Variants in SERINC5 observed in about 807,000 individuals in gnomAD.
SERINC5 encodes serine incorporator 5.
SERINC5 carries 41 observed loss-of-function variants against 63.1 expected under a neutral mutation model. That is an observed-to-expected ratio of 0.65 (90% CI 0.51 to 0.84). SERINC5 has a LOEUF of 0.84. Among genes scored for constraint, SERINC5 ranks in the 40% least tolerant of loss-of-function variants. The pLI, the probability that SERINC5 is intolerant of heterozygous loss-of-function variation, is 0.00. For synonymous variants in SERINC5, 222 were observed against 215.2 expected (o/e 1.03, Z -0.28); for missense variants, 523 against 573.0 (o/e 0.91, Z 0.89).
intron 1 of SERINC5, among the ~76,000 whole-genome samples, chr5:80,233,805 CTTTT>C (rs373920343): frequency 2.1e-4 from 15 of 69,932 alleles, no homozygotes; most frequent in African/African-American, 7.0e-4. Context: ...TCAACTTTTA[CTTTT>C]TTTTTTTTTT....
intron 11 of SERINC5, among the ~76,000 whole-genome samples, chr5:80,145,726 C>G (rs1745776424): frequency 6.6e-6 from 1 of 152,138 alleles, no homozygotes; most frequent in Non-Finnish European, 1.5e-5. Context: ...ACATACCCAT[C>G]CACTGTTAAA....
chr5:80,159,003 G>C, intron 7 of SERINC5, 41 bp from the exon 8 acceptor site: 1 of 1,609,810 alleles, frequency 6.2e-7, no homozygotes, highest in Non-Finnish European at 8.5e-7. Flanking sequence ...CAAGTACAAA[G>C]GCCAGTTGTA....
chr5:80,175,666 G>A lies in SERINC5; in HGVS notation c.458-619C>T, dbSNP rs972974943. 6.6e-5 allele frequency among the ~76,000 whole-genome samples: 10 copies of A among 151,462 alleles called. No individual in the cohort carries two copies. The South Asian group carries it at 1.0e-3, about 16-fold the overall frequency. On this transcript the variant is annotated intron_variant, in intron 4 of 11. Coordinates refer to ENST00000507668, the MANE Select transcript of SERINC5 (RefSeq NM_001174072.3). ...GGGGGATCACTTGAGGTCAGGAGTC[G>A]GAAACCAGCCTGGCCTACATGGTGA...
In SERINC5 at chr5:80,169,564, G is replaced by A. The variant is rs1747518726; in HGVS notation, c.552-18C>T. 1.9e-6 allele frequency: 3 copies of A among 1,595,808 alleles called. No individual in the cohort carries two copies. The highest frequency in any genetic ancestry group is 1.7e-5 in the Admixed American group (1 of 57,624). On this transcript the variant is annotated intron_variant, in intron 5 of 11. Coordinates refer to ENST00000507668, the MANE Select transcript of SERINC5 (RefSeq NM_001174072.3). Reference sequence around the variant, plus strand: ...CTGCTGTCCTGTTTCTCCGGGAAGTGGGTAAGAGGGAGAGGAGAGAAGACA... The same window carrying A: ...CTGCTGTCCTGTTTCTCCGGGAAGTAGGTAAGAGGGAGAGGAGAGAAGACA...
At chr5:80,189,129 C>T (rs1009822502) in intron 2 of SERINC5, among the ~76,000 whole-genome samples, 1 of 152,072 alleles carries the variant, frequency 6.6e-6, no homozygotes, top group Admixed American at 6.6e-5. Context: ...AGCTTTATGA[C>T]AGAAGTCATA....
rs1054563765 is a variant in SERINC5, at chr5:80,142,636, C to T, written c.*1027G>A. ...AGCATGAACCTGAACGGTATGGTCA[C>T]GTTACAGATCCAGAACACAAAACGA... On this transcript the variant is annotated 3_prime_UTR_variant, in exon 12 of 12. Coordinates refer to ENST00000507668, the MANE Select transcript of SERINC5 (RefSeq NM_001174072.3). 3 of 985,390 alleles carry T rather than the reference C, an allele frequency of 3.0e-6. No homozygotes were observed. Among genetic ancestry groups the T allele is most frequent in the Non-Finnish European group, 3.6e-6 (3 of 829,936 alleles). The allele number at this position is 985,390 out of a possible 1,614,324, so 61.0% of individuals were successfully genotyped here.
chr5:80,226,884 T>C (rs1751192968), intron 1 of SERINC5, among the ~76,000 whole-genome samples: 1 of 152,192 alleles, frequency 6.6e-6, no homozygotes, highest in Non-Finnish European at 1.5e-5. Flanking sequence ...ATAATTTAAA[T>C]TTTTGGCATA....
chr5:80,235,529 T>C (rs1381238603), intron 1 of SERINC5, among the ~76,000 whole-genome samples: 2 of 152,238 alleles, frequency 1.3e-5, no homozygotes, highest in South Asian at 2.1e-4. Context: ...AGTAGGTTTT[T>C]CTTTCACCTT....
intron 5 of SERINC5, among the ~76,000 whole-genome samples, chr5:80,173,079 C>T (rs1747765716): frequency 6.6e-6 from 1 of 151,752 alleles, no homozygotes; most frequent in Non-Finnish European, 1.5e-5. Context: ...TGCTATTGTG[C>T]AATTATCCCA....
At chr5:80,249,809 T>TA (rs569149139) in intron 1 of SERINC5, among the ~76,000 whole-genome samples, 20 of 150,144 alleles carry the variant, frequency 1.3e-4, no homozygotes, top group Non-Finnish European at 2.5e-4. Flanking sequence ...GTCTCAAAAA[T>TA]AAAAAAAAAT....
At chr5:80,178,551 T>TC (rs1300969161) in intron 2 of SERINC5, among the ~76,000 whole-genome samples, 15 of 141,022 alleles carry the variant, frequency 1.1e-4, no homozygotes, top group Admixed American at 8.6e-4. Flanking sequence ...TTTTTTTTTT[T>TC]TTTTTTTTTG....
At chr5:80,147,408 C>T (rs1745892571) in intron 9 of SERINC5, 124 bp from the exon 10 acceptor site, 2 of 992,184 alleles carry the variant, frequency 2.0e-6, no homozygotes, top group Admixed American at 4.1e-5. Flanking sequence ...CTGTTCTTTC[C>T]CAGGTGTGCT....
Position 80,120,063 on chromosome 5 carries a change from C to T in SERINC5, c.1239-6438G>A, listed in dbSNP as rs536666396. Among the ~76,000 whole-genome samples the T allele has an allele frequency of 1.4e-4, 21 of 152,270 alleles. 1 individual carries two copies. Among genetic ancestry groups the T allele is most frequent in the Non-Finnish European group, 2.8e-4 (19 of 68,006 alleles). On this transcript the variant is annotated intron_variant, in intron 11 of 12. Coordinates refer to the SERINC5 transcript ENST00000509193. Reference sequence around the variant, plus strand: ...TTTTTTTGGATCTCAACTTCCTCTTCTATAAAGGGGGGGCTATACCTGTCA... The same window carrying T: ...TTTTTTTGGATCTCAACTTCCTCTTTTATAAAGGGGGGGCTATACCTGTCA...
rs1023861450 is a variant in SERINC5 at position 80,249,315 on chromosome 5, C to CA, written c.27+6580dup. ...GGGCAACACAGCGAGACTCTGTCTCCAAAAAAAAAAAGAAACCATCAAGTT... is the reference window on the plus strand; with the variant it reads ...GGGCAACACAGCGAGACTCTGTCTCCAAAAAAAAAAAAGAAACCATCAAGTT... On this transcript the variant is annotated intron_variant, in intron 1 of 11. Coordinates refer to ENST00000507668, the MANE Select transcript of SERINC5 (RefSeq NM_001174072.3). Among the ~76,000 whole-genome samples, 143 of 123,446 alleles carry CA rather than the reference C, an allele frequency of 1.2e-3. No homozygotes were observed. In the Middle Eastern group the frequency reaches 0.013, roughly 11 times the overall value. The allele number at this position is 123,446 out of a possible 152,430, so 81.0% of individuals were successfully genotyped here. A position where few individuals can be genotyped will look rare whatever the true frequency, so the allele number is the denominator to read the frequency against.
At chr5:80,177,845 A>T in intron 3 of SERINC5, 41 bp downstream of exon 3, 1 of 1,501,898 alleles carries the variant, frequency 6.7e-7, no homozygotes, top group Non-Finnish European at 9.0e-7. Context: ...CCTGAACATA[A>T]GAAAGGAGAA....
At chr5:80,179,193 G>A (rs1270331684) in intron 2 of SERINC5, among the ~76,000 whole-genome samples, 8 of 152,076 alleles carry the variant, frequency 5.3e-5, no homozygotes, top group Non-Finnish European at 1.2e-4. Context: ...CAGCTACTAG[G>A]GAGGCTGAGG....
chr5:80,184,637 T>C (rs1335539959), intron 2 of SERINC5, among the ~76,000 whole-genome samples: 1 of 152,170 alleles, frequency 6.6e-6, no homozygotes, highest in Non-Finnish European at 1.5e-5. Flanking sequence ...CAGTATGTGG[T>C]AAGTATTTTT....
rs1233705643 is a variant in SERINC5, at chr5:80,142,207, C to A, written c.*1456G>T. ...TTTTCCCTGCCTGAATACATCAACACTGAAAATAGGCATCATCTTGGGTAG... is the reference window on the plus strand; with the variant it reads ...TTTTCCCTGCCTGAATACATCAACAATGAAAATAGGCATCATCTTGGGTAG... On this transcript the variant is annotated 3_prime_UTR_variant, in exon 12 of 12. Transcript: ENST00000507668. 2.4e-5 allele frequency: 24 copies of A among 985,146 alleles called. No individual in the cohort carries two copies. The highest frequency in any genetic ancestry group is 2.9e-5 in the Non-Finnish European group (24 of 829,878). The allele number at this position is 985,146 out of a possible 1,614,324, so 61.0% of individuals were successfully genotyped here.
chr5:80,174,646 G>GT (rs1198924936), intron 5 of SERINC5, among the ~76,000 whole-genome samples: 2 of 152,050 alleles, frequency 1.3e-5, no homozygotes, highest in African/African-American at 2.4e-5. Flanking sequence ...GCTCGAGCCT[G>GT]TAATCCCAGC....
Sources: gnomAD v4.1 joint callset for allele counts (sites outside exome capture counted in the v4.1 genomes callset) on GRCh38, gnomAD v4.1.1 for gene constraint, MANE v1.5 for transcripts, NCBI Gene and HGNC (gene_info 2026-07-23, HGNC 2026-07-21) for gene names.